The following INVS variants were observed in gnomAD, a reference collection of about 807,000 sequenced individuals.
INVS encodes inversion of embryo turning homolog.
Under a neutral mutation model 108.8 loss-of-function variants are expected in INVS, and 86 were observed. The observed-to-expected ratio is 0.79, with a 90% CI of 0.66 to 0.95. INVS has a LOEUF of 0.95. INVS is among the 40% of genes least tolerant of loss of function. The pLI is 0.00. For missense variants in INVS, 1,169 were observed against 1,297.4 expected (o/e 0.90, Z 1.52); for synonymous variants, 455 against 473.5 (o/e 0.96, Z 0.51).
Position 100,301,678 on chromosome 9 carries a change from A to C in INVS, c.*1004A>C, listed in dbSNP as rs898634639. ...ATTGACAGTAGGCATAAACAGTGAT[A>C]TATTTTACTCACAGGTATTTTGGGG... On this transcript the variant is annotated 3_prime_UTR_variant, in exon 17 of 17. Coordinates refer to ENST00000262457, the MANE Select transcript of INVS (RefSeq NM_014425.5). Among the ~76,000 whole-genome samples the C allele has an allele frequency of 6.6e-6, 1 of 152,202 alleles. No individual in the cohort carries two copies. The highest frequency in any genetic ancestry group is 6.5e-5 in the Admixed American group (1 of 15,282).
At chr9:100,222,278 C>T (rs774238128) in intron 3 of INVS, among the ~76,000 whole-genome samples, 1 of 152,184 alleles carries the variant, frequency 6.6e-6, no homozygotes, top group Non-Finnish European at 1.5e-5. Flanking sequence ...TTACAAATAT[C>T]ATTTGTCTCA....
chr9:100,271,350 A>G (rs779884644), intron 11 of INVS, among the ~76,000 whole-genome samples: 14 of 152,156 alleles, frequency 9.2e-5, no homozygotes, highest in Non-Finnish European at 2.1e-4. Flanking sequence ...ATATACAGAT[A>G]TCTTCATTAT....
At chr9:100,142,792 G>A (rs1486698284) in intron 3 of INVS, among the ~76,000 whole-genome samples, 3 of 152,158 alleles carry the variant, frequency 2.0e-5, no homozygotes, top group African/African-American at 7.2e-5. Flanking sequence ...GCAGACATGA[G>A]GGTTGGGTTA....
In INVS at chr9:100,292,766, C is replaced by T. The variant is rs755549444; in HGVS notation, c.2509C>T (p.Gln837Ter). 2 of 1,614,160 alleles carry T rather than the reference C, an allele frequency of 1.2e-6. No individual in the cohort carries two copies. The highest frequency in any genetic ancestry group is 2.2e-5 in the East Asian group (1 of 44,880). Residue 837 changes from glutamine (Q) to a stop codon, truncating the protein, a stop_gained, in exon 14 of 17, where the codon CAA (glutamine) becomes TAA (stop). Transcript: ENST00000262457. LOFTEE classifies it high-confidence loss of function. ...HHRTPRNKVT[Q>*]AKLTGGLYSH... ...TCGTACACCAAGAAACAAAGTGACA[C>T]AAGCCAAGCTCACAGGAGGGCTCTA... is the stretch of plus-strand genomic sequence containing the variant.
At chr9:100,230,941 C>T (rs1211645068) in intron 5 of INVS, among the ~76,000 whole-genome samples, 1 of 152,110 alleles carries the variant, frequency 6.6e-6, no homozygotes, top group Non-Finnish European at 1.5e-5. Context: ...ACTTTGTTTC[C>T]AGTTTTTTGT....
rs1178014538 is a variant in INVS, at chr9:100,117,596, C to T, written c.107-8787C>T. 8.2e-6 allele frequency: 6 copies of T among 727,392 alleles called. No individual in the cohort carries two copies. The East Asian group carries it at 1.7e-4, about 20-fold the overall frequency. The allele number at this position is 727,392 out of a possible 1,614,324, so 45.1% of individuals were successfully genotyped here. ...GTTCCCCATCCCAGGGCCACCAGGG[C>T]CTCCGGCCCCCCGCCCCCCCCGCCC... On this transcript the variant is annotated intron_variant, in intron 2 of 16. Transcript: ENST00000262457.
At chr9:100,226,899 G>A (rs1011641356) in intron 4 of INVS, among the ~76,000 whole-genome samples, 1 of 151,818 alleles carries the variant, frequency 6.6e-6, no homozygotes, top group Non-Finnish European at 1.5e-5. Flanking sequence ...ACTATAGGTG[G>A]TTAGACTCAT....
At chr9:100,136,073 T>C (rs1167306427) in intron 3 of INVS, among the ~76,000 whole-genome samples, 1 of 152,098 alleles carries the variant, frequency 6.6e-6, no homozygotes, top group Non-Finnish European at 1.5e-5. Context: ...ACTCAATAAA[T>C]GGATGGATAT....
At chr9:100,204,762 C>CT (rs1277855072) in intron 3 of INVS, among the ~76,000 whole-genome samples, 1 of 151,642 alleles carries the variant, frequency 6.6e-6, no homozygotes, top group Non-Finnish European at 1.5e-5. Flanking sequence ...AATAATGTTT[C>CT]TTTTTTATAT....
chr9:100,125,154 C>G (rs1827844169), intron 2 of INVS, among the ~76,000 whole-genome samples: 1 of 152,208 alleles, frequency 6.6e-6, no homozygotes, highest in Non-Finnish European at 1.5e-5. Flanking sequence ...TTTGTCCTCT[C>G]CATATTCCTA....
At chr9:100,251,029 C>T (rs2118552105) in intron 8 of INVS, among the ~76,000 whole-genome samples, 2 of 152,308 alleles carry the variant, frequency 1.3e-5, no homozygotes, top group East Asian at 3.9e-4. Context: ...CAGGTCTCAA[C>T]TTAAATGTCA....
intron 2 of INVS, among the ~76,000 whole-genome samples, chr9:100,121,716 T>C (rs1182598216): frequency 6.6e-6 from 1 of 152,134 alleles, no homozygotes; most frequent in Non-Finnish European, 1.5e-5. Flanking sequence ...TGTTCTTATT[T>C]TTCTTATGTA....
chr9:100,157,267 C>CTTTTTTTTTTTT lies in INVS; in HGVS notation c.273+30722_273+30733dup, dbSNP rs770493291. ...GAAATAGTAAAAATTTCTTTTTTTT[C>CTTTTTTTTTTTT]TTTTTTTTTTTTTTTGAGGCAGAGT... On this transcript the variant is annotated intron_variant, in intron 3 of 16. Coordinates refer to ENST00000262457, the MANE Select transcript of INVS (RefSeq NM_014425.5). Among the ~76,000 whole-genome samples the CTTTTTTTTTTTT allele has an allele frequency of 1.9e-3, 243 of 129,998 alleles. 7 individuals are homozygous for CTTTTTTTTTTTT. Among genetic ancestry groups the CTTTTTTTTTTTT allele is most frequent in the African/African-American group, 4.8e-3 (147 of 30,454 alleles). 85.3% of individuals were successfully genotyped at this position (129,998 alleles called of 152,430 possible). A position where few individuals can be genotyped will look rare whatever the true frequency, so the allele number is the denominator to read the frequency against.
At chr9:100,144,519 G>T (rs899910191) in intron 3 of INVS, among the ~76,000 whole-genome samples, 5 of 152,296 alleles carry the variant, frequency 3.3e-5, no homozygotes, top group Middle Eastern at 3.4e-3. Flanking sequence ...ATGAAAAAGA[G>T]CCTAAAGGCT....
At chr9:100,161,468 G>A (rs1829185657) in intron 3 of INVS, among the ~76,000 whole-genome samples, 2 of 151,936 alleles carry the variant, frequency 1.3e-5, no homozygotes, top group Admixed American at 1.3e-4. Context: ...GCCAGAAGTG[G>A]GCCTTATAAT....
intron 3 of INVS, among the ~76,000 whole-genome samples, chr9:100,153,696 G>T (rs1353481987): frequency 6.6e-6 from 1 of 152,206 alleles, no homozygotes; most frequent in African/African-American, 2.4e-5. Context: ...TGGAGACTGG[G>T]AAGTCCAATA....
chr9:100,133,763 C>CCACACACACACACACACACA, intron 3 of INVS, among the ~76,000 whole-genome samples: 1 of 43,736 alleles, frequency 2.3e-5, no homozygotes, highest in East Asian at 5.0e-3. Flanking sequence ...TCTGCCAAAG[C>CCACACACACACACACACACA]TACACACACA....
intron 3 of INVS, among the ~76,000 whole-genome samples, chr9:100,137,405 G>T (rs1828262720): frequency 6.6e-6 from 1 of 152,134 alleles, no homozygotes. Flanking sequence ...GAAAGCTAGT[G>T]TTTAATGATA....
intron 3 of INVS, chr9:100,176,149 T>G (rs1475453809): frequency 2.4e-6 from 1 of 421,234 alleles, no homozygotes; most frequent in Non-Finnish European, 4.5e-6. Flanking sequence ...TTTTACTTGT[T>G]TGGAAGCTAC....
Sources: gnomAD v4.1 joint callset for allele counts (sites outside exome capture counted in the v4.1 genomes callset) on GRCh38, gnomAD v4.1.1 for gene constraint, MANE v1.5 for transcripts, NCBI Gene and HGNC (gene_info 2026-07-23, HGNC 2026-07-21) for gene names.